Variants in DOK6 observed in about 807,000 individuals in gnomAD.
DOK6 encodes docking protein 6, also known as downstream of tyrosine kinase 6.
A neutral mutation model predicts 44.0 loss-of-function variants in DOK6; 22 were observed. The ratio of observed to expected loss-of-function variants is 0.50; its 90% CI spans 0.36 to 0.71. The LOEUF is 0.71. Ranked by LOEUF, DOK6 falls within the 30% of genes least tolerant of loss-of-function variation. The pLI is 0.00. For missense variants in DOK6, 340 were observed against 416.4 expected (o/e 0.82, Z 1.60); for synonymous variants, 166 against 145.5 (o/e 1.14, Z -1.01).
chr18:69,508,252 T>A (rs1205285740), intron 1 of DOK6, among the ~76,000 whole-genome samples: 1 of 152,172 alleles, frequency 6.6e-6, no homozygotes, highest in South Asian at 2.1e-4. Flanking sequence ...TTGTTGGTAA[T>A]CTTTGCTGCT....
rs377705556 is a variant in DOK6 at position 69,541,614 on chromosome 18, T to C, written c.67-22873T>C. On this transcript the variant is annotated intron_variant, in intron 1 of 7. Coordinates refer to ENST00000382713, the MANE Select transcript of DOK6 (RefSeq NM_152721.6). The stretch of plus-strand genomic sequence containing the variant: ...CCTTCCATGAATATATACTGAGCCA[T>C]GAAGGGAATACATTGTGCCAGAAGC... Among the ~76,000 whole-genome samples the C allele has an allele frequency of 4.3e-4, 65 of 151,624 alleles. 2 individuals are homozygous for C. Among genetic ancestry groups the C allele is most frequent in the African/African-American group, 1.4e-3 (60 of 41,514 alleles).
At chr18:69,496,849 A>G (rs1246502630) in intron 1 of DOK6, among the ~76,000 whole-genome samples, 1 of 152,198 alleles carries the variant, frequency 6.6e-6, no homozygotes, top group Admixed American at 6.5e-5. Context: ...TCCAGAACTC[A>G]TTCTGTGGCA....
intron 3 of DOK6, among the ~76,000 whole-genome samples, chr18:69,621,031 A>T (rs1278003276): frequency 6.6e-6 from 1 of 151,728 alleles, no homozygotes; most frequent in African/African-American, 2.4e-5. Flanking sequence ...CATTCTGGTT[A>T]TCTATATCTA....
At chr18:69,736,825 T>C (rs1206134566) in intron 5 of DOK6, among the ~76,000 whole-genome samples, 3 of 152,208 alleles carry the variant, frequency 2.0e-5, no homozygotes, top group African/African-American at 7.2e-5. Flanking sequence ...CTCCCACTCA[T>C]CTTCAATGAA....
intron 7 of DOK6, among the ~76,000 whole-genome samples, chr18:69,791,401 T>C (rs117063979): frequency 0.025 from 3,847 of 152,254 alleles, 59 homozygotes; most frequent in Middle Eastern, 0.051. Flanking sequence ...CTCTCCACAT[T>C]CTCACCAGCA....
intron 6 of DOK6, among the ~76,000 whole-genome samples, chr18:69,747,547 G>C (rs184000565): frequency 2.7e-4 from 41 of 151,952 alleles, no homozygotes; most frequent in Admixed American, 2.4e-3. Flanking sequence ...GATAAGGGTA[G>C]AATGTCCACA....
intron 5 of DOK6, among the ~76,000 whole-genome samples, chr18:69,719,314 G>A (rs773878736): frequency 6.6e-6 from 1 of 152,222 alleles, no homozygotes; most frequent in Admixed American, 6.5e-5. Flanking sequence ...TTCTGGGTGA[G>A]GGGTCAACAG....
At chr18:69,644,182 T>C (rs929266409) in intron 3 of DOK6, among the ~76,000 whole-genome samples, 3 of 152,208 alleles carry the variant, frequency 2.0e-5, no homozygotes, top group Admixed American at 6.5e-5. Context: ...GGTTTGCAAA[T>C]ATTTTCCCTT....
intron 3 of DOK6, among the ~76,000 whole-genome samples, chr18:69,663,597 G>T (rs1985583473): frequency 6.6e-6 from 1 of 152,190 alleles, no homozygotes; most frequent in Non-Finnish European, 1.5e-5. Context: ...TGTTAACTAA[G>T]AAATTGTGGA....
At chr18:69,460,239 A>C (rs1488315720) in intron 1 of DOK6, among the ~76,000 whole-genome samples, 1 of 152,228 alleles carries the variant, frequency 6.6e-6, no homozygotes, top group Non-Finnish European at 1.5e-5. Flanking sequence ...TTACTAAAGC[A>C]GTCACTGAAC....
intron 7 of DOK6, among the ~76,000 whole-genome samples, chr18:69,826,724 G>T (rs1161617963): frequency 1.3e-5 from 2 of 152,142 alleles, no homozygotes; most frequent in African/African-American, 2.4e-5. Flanking sequence ...TTAGATTTCA[G>T]ATTTCTAGGC....
rs576297177 is a variant in DOK6 at position 69,439,109 on chromosome 18, C to A, written c.66+37799C>A. Among the ~76,000 whole-genome samples, 1,396 of 152,156 alleles carry A rather than the reference C, an allele frequency of 9.2e-3. 18 individuals are homozygous for A. The highest frequency in any genetic ancestry group is 0.032 in the African/African-American group (1,338 of 41,514). On this transcript the variant is annotated intron_variant, in intron 1 of 7. Transcript: ENST00000382713. ...CAATCACCTCCTTGCACATTTCCAT[C>A]AGAGCTCTTGGGTAACCAGGTATAT...
intron 7 of DOK6, among the ~76,000 whole-genome samples, chr18:69,822,456 T>C (rs896622496): frequency 7.1e-6 from 1 of 140,374 alleles, no homozygotes; most frequent in Non-Finnish European, 1.6e-5. Flanking sequence ...CAAAAGATGA[T>C]GTAAAAAGTT....
intron 7 of DOK6, among the ~76,000 whole-genome samples, chr18:69,839,623 AACCG>A (rs1982155185): frequency 6.6e-6 from 1 of 152,332 alleles, no homozygotes; most frequent in African/African-American, 2.4e-5. Flanking sequence ...GAGCTGGGGG[AACCG>A]ATGAGAAAAT....
In DOK6 at chr18:69,804,766, T is replaced by G. The variant is rs117374339; in HGVS notation, c.857-36478T>G. 2.3e-3 allele frequency among the ~76,000 whole-genome samples: 353 copies of G among 152,242 alleles called. 7 individuals carry two copies. In the East Asian group the frequency reaches 0.045, roughly 19 times the overall value. ...CAGCCTTCAACGAAACTACTTAAGCTTCCTCAGAAAATCTTAAGTCAAATG... is the reference window on the plus strand; with the variant it reads ...CAGCCTTCAACGAAACTACTTAAGCGTCCTCAGAAAATCTTAAGTCAAATG... On this transcript the variant is annotated intron_variant, in intron 7 of 7. Coordinates refer to ENST00000382713, the MANE Select transcript of DOK6 (RefSeq NM_152721.6).
intron 1 of DOK6, among the ~76,000 whole-genome samples, chr18:69,424,937 GA>G (rs1978596227): frequency 6.6e-6 from 1 of 152,166 alleles, no homozygotes; most frequent in African/African-American, 2.4e-5. Flanking sequence ...ACATGGGCAG[GA>G]CAAAGGCGTA....
At position 69,841,296 on chromosome 18, in the gene DOK6, C is replaced by T. The variant is rs545055642; in HGVS notation, c.909C>T (p.Tyr303=). The change falls in exon 8 of 8, where the codon TAC becomes TAT. Residue 303 remains tyrosine (Y), a synonymous_variant. Transcript: ENST00000382713. ...KMSRAQTFPS[Y]APEQSEEAQQ... The stretch of plus-strand genomic sequence containing the variant: ...CTCGTGCACAGACATTTCCCAGCTA[C>T]GCCCCAGAACAGAGTGAAGAGGCCC... 43 of 1,614,200 alleles carry T rather than the reference C, an allele frequency of 2.7e-5. No homozygotes were observed. In the East Asian group the frequency reaches 5.8e-4, roughly 22 times the overall value.
At chr18:69,654,782 A>G (rs965480615) in intron 3 of DOK6, among the ~76,000 whole-genome samples, 2 of 152,138 alleles carry the variant, frequency 1.3e-5, no homozygotes, top group African/African-American at 4.8e-5. Flanking sequence ...GGCTCATTGG[A>G]CACAGTGGTG....
intron 4 of DOK6, among the ~76,000 whole-genome samples, chr18:69,688,540 T>A (rs555331289): frequency 6.6e-6 from 1 of 152,350 alleles, no homozygotes; most frequent in Admixed American, 6.5e-5. Flanking sequence ...TGCTGCTGTT[T>A]GAGTCAGAGT....
Sources: allele counts gnomAD v4.1 joint callset (sites outside exome capture counted in the v4.1 genomes callset), GRCh38; gene constraint gnomAD v4.1.1; transcripts MANE v1.5; gene names NCBI Gene and HGNC (gene_info 2026-07-23, HGNC 2026-07-21).